The following TAF4 variants were observed in gnomAD, a reference collection of about 807,000 sequenced individuals.
TAF4 encodes the protein TATA-box binding protein associated factor 4.
A neutral mutation model predicts 90.3 loss-of-function variants in TAF4; 9 were observed. The ratio of observed to expected loss-of-function variants is 0.10; its 90% CI spans 0.06 to 0.17. The LOEUF (loss-of-function observed/expected upper bound fraction) is 0.17. Ranked by LOEUF, TAF4 falls within the 10% of genes least tolerant of loss-of-function variation. The probability of loss-of-function intolerance (pLI) is 1.00; values close to 1 mark genes in which losing one functional copy is unlikely to be tolerated. For synonymous variants in TAF4, 818 were observed against 638.9 expected, an observed-to-expected ratio of 1.28 and a Z score of -4.23; for missense variants, 1,351 against 1,370.7, an observed-to-expected ratio of 0.99 and a Z score of 0.23.
intron 1 of TAF4, among the ~76,000 whole-genome samples, chr20:62,059,765 A>C (rs897417297): frequency 3.3e-5 from 5 of 152,236 alleles, no homozygotes; most frequent in Admixed American, 1.3e-4. Flanking sequence ...CATGAAGAAG[A>C]AAAGCAAAGC....
intron 1 of TAF4, among the ~76,000 whole-genome samples, chr20:62,050,799 C>T (rs1351944684): frequency 6.6e-6 from 1 of 152,110 alleles, no homozygotes; most frequent in African/African-American, 2.4e-5. Flanking sequence ...AGGAAACACA[C>T]ACACATTGGC....
intron 14 of TAF4, among the ~76,000 whole-genome samples, chr20:61,977,658 C>A (rs2055504393): frequency 6.6e-6 from 1 of 152,196 alleles, no homozygotes; most frequent in African/African-American, 2.4e-5. Flanking sequence ...TTCAGACGCC[C>A]TGCGCTGTGA....
At chr20:62,029,195 CAAA>C (rs917455667) in intron 1 of TAF4, among the ~76,000 whole-genome samples, 2 of 62,754 alleles carry the variant, frequency 3.2e-5, no homozygotes, top group Non-Finnish European at 3.5e-5. Context: ...GACTCTGTCT[CAAA>C]AAAAAAAAAA....
rs144736719 is a variant in TAF4 at position 62,006,687 on chromosome 20, C to T, written c.2046G>A (p.Pro682=). The change falls in exon 7 of 15, where the codon CCG becomes CCA. Residue 682 remains proline, a synonymous_variant. Transcript: ENST00000252996. This position sits in a 1 kb window ranked among gnomAD's most constrained non-coding sequence, Gnocchi z 7.0. ...TGGTGGCCTGCGAGGTGGGCGGTGGCGGCTGCTGCTGGCTCTGCTGGATGA... is the reference window on the plus strand; with the variant it reads ...TGGTGGCCTGCGAGGTGGGCGGTGGTGGCTGCTGCTGGCTCTGCTGGATGA... The part of the protein sequence containing the change: ...AAFIQQSQQQ[P]PPPTSQATTA... 66 of 1,591,064 alleles carry T rather than the reference C, an allele frequency of 4.1e-5. No individual in the cohort carries two copies. Among genetic ancestry groups the T allele is most frequent in the Admixed American group, 6.8e-5 (4 of 58,504 alleles).
In TAF4 at chr20:62,064,646, C is replaced by T. The variant is rs1397039793; in HGVS notation, c.1165G>A (p.Val389Ile). Reference sequence around the variant, plus strand: ...GGGGTCCCGGGGGCGGGCGGCGGGACGGCGGCCGGGCTGGGCAGCGCCCCT... The same window carrying T: ...GGGGTCCCGGGGGCGGGCGGCGGGATGGCGGCCGGGCTGGGCAGCGCCCCT... ...MQGALPSPAA[V>I]PPPAPGTPTG... Residue 389 changes from valine (V) to isoleucine (I), a missense_variant, in exon 1 of 15, where the codon GTC (valine) becomes ATC (isoleucine). Physicochemically the swap from Val to Ile is conservative, Grantham distance 29. Around this residue, in one of 9 missense-constraint regions of TAF4, gnomAD observed 782 missense variants for 536.6 expected, o/e 1.46. Transcript: ENST00000252996. 7.6e-7 allele frequency: 1 copy of T among 1,324,096 alleles called. No individual in the cohort carries two copies. Among genetic ancestry groups the T allele is most frequent in the Non-Finnish European group, 9.6e-7 (1 of 1,044,408 alleles). The allele number at this position is 1,324,096 out of a possible 1,614,324, so 82.0% of individuals were successfully genotyped here. A position where few individuals can be genotyped will look rare whatever the true frequency, so the allele number is the denominator to read the frequency against.
chr20:61,984,869 G>A (rs55875402), intron 14 of TAF4, among the ~76,000 whole-genome samples: 51,282 of 104,078 alleles, frequency 0.49, 13,569 homozygotes, highest in Middle Eastern at 0.68. Flanking sequence ...CGGGGACAGG[G>A]CAGGAGGAGG....
chr20:61,986,938 C>T (rs887197382), intron 14 of TAF4, among the ~76,000 whole-genome samples: 19 of 152,354 alleles, frequency 1.2e-4, no homozygotes, highest in Admixed American at 2.6e-4. Flanking sequence ...CGAATGCCCA[C>T]GCAGGGGCCA....
chr20:62,020,598 A>G (rs1229184840), intron 1 of TAF4, among the ~76,000 whole-genome samples: 3 of 152,166 alleles, frequency 2.0e-5, no homozygotes, highest in African/African-American at 7.2e-5. Context: ...TCGCAGCTCA[A>G]TACCAGCCCC....
In TAF4 at chr20:62,065,811, C is replaced by CT. The variant is rs775582753; in HGVS notation, c.-2dup. 8.5e-6 allele frequency: 11 copies of CT among 1,289,050 alleles called. No homozygotes were observed. The highest frequency in any genetic ancestry group is 8.0e-5 in the Admixed American group (3 of 37,660). 79.9% of individuals were successfully genotyped at this position (1,289,050 alleles called of 1,614,324 possible). Reference sequence around the variant, plus strand: ...CCAGCAGATCCGAGCCCGCCGCCATCTTTTTTCCTCGGCCGCCGCCGCCGC... The same window carrying CT: ...CCAGCAGATCCGAGCCCGCCGCCATCTTTTTTTCCTCGGCCGCCGCCGCCGC... On this transcript the variant is annotated 5_prime_UTR_variant, in exon 1 of 15. Transcript: ENST00000252996.
chr20:62,003,932 A>C, intron 7 of TAF4, 54 bp from the exon 8 acceptor site: 1 of 1,499,814 alleles, frequency 6.7e-7, no homozygotes, highest in Non-Finnish European at 8.8e-7. Flanking sequence ...GCCAGGGGCC[A>C]CTCAGTCCCT....
chr20:61,990,549 G>GGACCC (rs1171194999), intron 14 of TAF4, among the ~76,000 whole-genome samples: 1 of 152,182 alleles, frequency 6.6e-6, no homozygotes, highest in Non-Finnish European at 1.5e-5. Flanking sequence ...CGACGGGCCT[G>GGACCC]GACCCAGGAG....
At chr20:62,040,475 G>A (rs1348937013) in intron 1 of TAF4, among the ~76,000 whole-genome samples, 2 of 152,226 alleles carry the variant, frequency 1.3e-5, no homozygotes, top group Non-Finnish European at 2.9e-5. Flanking sequence ...TGGAGCAGGG[G>A]CTCACCCCCA....
In TAF4 at chr20:61,997,572, G is replaced by C; in HGVS notation, c.3068C>G (p.Pro1023Arg). ...TACCTCTGCTCCTGAGCCCGGCCCCGGACAGTCCACTTTCCTCTTTTTCCT... is the reference window on the plus strand; with the variant it reads ...TACCTCTGCTCCTGAGCCCGGCCCCCGACAGTCCACTTTCCTCTTTTTCCT... ...GPRKKRKVDCPGPGSGAEGSG... is the reference protein window; with the variant it reads ...GPRKKRKVDCRGPGSGAEGSG... Residue 1023 changes from proline to arginine, a missense_variant, in exon 14 of 15, where the codon CCG (proline) becomes CGG (arginine). Physicochemically the swap from Pro to Arg is moderately radical, Grantham distance 103. Around this residue, in one of 9 missense-constraint regions of TAF4, gnomAD observed 48 missense variants for 50.6 expected, o/e 0.95. Coordinates refer to ENST00000252996, the MANE Select transcript of TAF4 (RefSeq NM_003185.4). 1 of 1,612,744 alleles carries C rather than the reference G, an allele frequency of 6.2e-7. No individual in the cohort carries two copies. Among genetic ancestry groups the C allele is most frequent in the Non-Finnish European group, 8.5e-7 (1 of 1,179,580 alleles).
intron 1 of TAF4, among the ~76,000 whole-genome samples, chr20:62,028,519 G>T (rs139422562): frequency 6.6e-6 from 1 of 152,132 alleles, no homozygotes. Context: ...TTGTATGTGC[G>T]TACGGGGCCC....
At chr20:62,051,002 C>T (rs2056023992) in intron 1 of TAF4, among the ~76,000 whole-genome samples, 1 of 152,198 alleles carries the variant, frequency 6.6e-6, no homozygotes, top group Non-Finnish European at 1.5e-5. Context: ...ACATTTTCAC[C>T]CCTCACAGGG....
At chr20:62,053,888 G>T (rs1295609683) in intron 1 of TAF4, among the ~76,000 whole-genome samples, 4 of 152,218 alleles carry the variant, frequency 2.6e-5, no homozygotes, top group South Asian at 2.1e-4. Context: ...AGTGCCTCTT[G>T]GCCACTTGAA....
At chr20:62,022,471 G>C (rs974150602) in intron 1 of TAF4, among the ~76,000 whole-genome samples, 6 of 152,224 alleles carry the variant, frequency 3.9e-5, no homozygotes, top group Admixed American at 1.3e-4. Context: ...TCTGAAGCCT[G>C]AGGGTTTGCA....
rs1413018049 is a variant in TAF4 at position 62,065,364 on chromosome 20, C to A, written c.447G>T (p.Gly149=). The A allele has an allele frequency of 1.0e-6, 1 of 965,596 alleles. No individual in the cohort carries two copies. The highest frequency in any genetic ancestry group is 1.2e-6 in the Non-Finnish European group (1 of 820,134). The allele number at this position is 965,596 out of a possible 1,614,324, so 59.8% of individuals were successfully genotyped here. A position where few individuals can be genotyped will look rare whatever the true frequency, so the allele number is the denominator to read the frequency against. The change falls in exon 1 of 15, where the codon GGG becomes GGT. Residue 149 remains glycine, a synonymous_variant. Transcript: ENST00000252996. Reference sequence around the variant, plus strand: ...CGGGGCCGGCGGGGGCGGGCTCGGGCCCCGCGGCGACGGCGGCGGCGGCGG... The same window carrying A: ...CGGGGCCGGCGGGGGCGGGCTCGGGACCCGCGGCGACGGCGGCGGCGGCGG... ...PVPAAAAVAA[G]PEPAPAGPAK...
At chr20:62,007,371 G>GA (rs573914798) in intron 6 of TAF4, among the ~76,000 whole-genome samples, 176 bp downstream of exon 6, 1 of 151,978 alleles carries the variant, frequency 6.6e-6, no homozygotes, top group South Asian at 2.1e-4. Context: ...CTGCTTTACA[G>GA]AAAAAAAACT....
Sources: gnomAD v4.1 joint callset for allele counts (sites outside exome capture counted in the v4.1 genomes callset) on GRCh38, gnomAD v4.1.1 for gene constraint, gnomAD v4.1.1 regional missense constraint, Gnocchi (gnomAD v3.1) non-coding constraint, MANE v1.5 for transcripts, NCBI Gene and HGNC (gene_info 2026-07-23, HGNC 2026-07-21) for gene names.